ZDHHC11B: variants seen among roughly 807,000 people sequenced by gnomAD.
ZDHHC11B encodes probable palmitoyltransferase ZDHHC11B.
ZDHHC11B carries 17 observed loss-of-function variants against 42.3 expected under a neutral mutation model. That is an observed-to-expected ratio of 0.40 (90% CI 0.27 to 0.60). ZDHHC11B has a LOEUF of 0.60. Among genes scored for constraint, ZDHHC11B ranks in the 20% least tolerant of loss-of-function variants. The probability of loss-of-function intolerance (pLI) is 0.41; values close to 1 mark genes in which losing one functional copy is unlikely to be tolerated. For synonymous variants in ZDHHC11B, 123 were observed against 193.5 expected (o/e 0.64, Z 3.02); for missense variants, 262 against 463.2 (o/e 0.57, Z 3.99).
intron 7 of ZDHHC11B, among the ~76,000 whole-genome samples, chr5:750,459 C>A (rs1345509090): frequency 7.3e-6 from 1 of 136,624 alleles, no homozygotes; most frequent in African/African-American, 2.5e-5. Context: ...CTTTCTCTTA[C>A]AAGCACACTC....
chr5:763,410 A>G (rs1174893119), intron 4 of ZDHHC11B, among the ~76,000 whole-genome samples: 25 of 151,676 alleles, frequency 1.6e-4, no homozygotes, highest in African/African-American at 5.3e-4. Context: ...GAAAAATACA[A>G]CCTATGAAAA....
intron 12 of ZDHHC11B, among the ~76,000 whole-genome samples, chr5:717,627 C>G (rs1418886699): frequency 6.6e-6 from 1 of 151,806 alleles, no homozygotes; most frequent in South Asian, 2.1e-4. Context: ...AGGATATAAA[C>G]GGATCCATAA....
intron 4 of ZDHHC11B, among the ~76,000 whole-genome samples, chr5:763,904 A>G (rs1214492635): frequency 6.6e-6 from 1 of 151,920 alleles, no homozygotes; most frequent in Non-Finnish European, 1.5e-5. Flanking sequence ...TGTGAGATAT[A>G]AAACAAGGTT....
At chr5:777,905 C>A (rs761007465) in intron 1 of ZDHHC11B, among the ~76,000 whole-genome samples, 17 of 151,172 alleles carry the variant, frequency 1.1e-4, no homozygotes, top group Non-Finnish European at 2.4e-4. Context: ...CGAGGGAGCC[C>A]GGGGCGGGGG....
At position 766,815 on chromosome 5, in the gene ZDHHC11B, C is replaced by A; in HGVS notation, c.105G>T (p.Ser35=). ...PPRISRVNGW[S]LPLHYFRVVT... is the part of the protein sequence containing the mutation. ...CCACCCGGAAGTAGTGCAGGGGTAA[C>A]GACCAGCCGTTCACTCTGGAGATGC... The change falls in exon 4 of 14, where the codon TCG becomes TCT. Residue 35 remains serine, a synonymous_variant. Transcript: ENST00000508859. The A allele has an allele frequency of 1.9e-6, 3 of 1,612,720 alleles. No homozygotes were observed. The highest frequency in any genetic ancestry group is 2.5e-6 in the Non-Finnish European group (3 of 1,179,240).
Position 736,297 on chromosome 5 carries a change from C to T in ZDHHC11B, c.936-2458G>A, listed in dbSNP as rs373462642. Among the ~76,000 whole-genome samples, 102 of 149,860 alleles carry T rather than the reference C, an allele frequency of 6.8e-4. 8 individuals are homozygous for T. Among genetic ancestry groups the T allele is most frequent in the South Asian group, 2.4e-3 (11 of 4,518 alleles). ...CAATCCTAACTATATATGCACCTAA[C>T]GAGGAACCCCCCAAATTTATAAAAC... is the stretch of plus-strand genomic sequence containing the variant. On this transcript the variant is annotated intron_variant, in intron 10 of 13. Coordinates refer to ENST00000508859, the MANE Select transcript of ZDHHC11B (RefSeq NM_001351303.2).
At chr5:777,772 G>C (rs1367334983) in intron 1 of ZDHHC11B, among the ~76,000 whole-genome samples, 2 of 151,990 alleles carry the variant, frequency 1.3e-5, no homozygotes, top group African/African-American at 2.4e-5. Context: ...TTCTCTATCG[G>C]ATCCTGAGCC....
At chr5:727,184 G>A (rs1274824208) in intron 12 of ZDHHC11B, among the ~76,000 whole-genome samples, 1 of 135,120 alleles carries the variant, frequency 7.4e-6, no homozygotes, top group Middle Eastern at 3.8e-3. Flanking sequence ...TGGAGAACCC[G>A]GCTGGCCTTC....
At chr5:752,811 C>G (rs12518718) in intron 6 of ZDHHC11B, among the ~76,000 whole-genome samples, 13,002 of 103,650 alleles carry the variant, frequency 0.13, 1,436 homozygotes, top group East Asian at 0.33. Flanking sequence ...TACCCTGCCC[C>G]CAGTCCTCCT....
chr5:770,355 T>C lies in ZDHHC11B; in HGVS notation c.-229-1425A>G, dbSNP rs1474023067. The stretch of plus-strand genomic sequence containing the variant: ...AGCGAGGCCTTGCCCACTGCCATCA[T>C]TGGGCCAAGGACCCCCTAAGCCAAA... On this transcript the variant is annotated intron_variant, in intron 1 of 13. Coordinates refer to ENST00000508859, the MANE Select transcript of ZDHHC11B (RefSeq NM_001351303.2). Among the ~76,000 whole-genome samples, 4 of 150,040 alleles carry C rather than the reference T, an allele frequency of 2.7e-5. No individual in the cohort carries two copies. In the East Asian group the frequency reaches 5.9e-4, roughly 22 times the overall value.
chr5:732,488 T>TG, intron 11 of ZDHHC11B: 1 of 313,238 alleles, frequency 3.2e-6, no homozygotes, highest in South Asian at 2.6e-5. Flanking sequence ...TGGGCGGGGG[T>TG]GGGCTGGGGG....
chr5:720,176 G>A (rs1267908171), intron 12 of ZDHHC11B, among the ~76,000 whole-genome samples: 3 of 151,758 alleles, frequency 2.0e-5, no homozygotes, highest in Non-Finnish European at 4.4e-5. Context: ...GGAGCTCAAC[G>A]AATTCCAAGC....
At chr5:756,245 C>T (rs557732167) in intron 4 of ZDHHC11B, 101 bp from the exon 5 acceptor site, 18 of 1,507,096 alleles carry the variant, frequency 1.2e-5, no homozygotes, top group African/African-American at 1.4e-5. Context: ...CACTGGTCAG[C>T]CCTGCTCACC....
chr5:756,250 C>T, intron 4 of ZDHHC11B, 106 bp from the exon 5 acceptor site: 2 of 1,497,132 alleles, frequency 1.3e-6, no homozygotes, highest in Admixed American at 2.0e-5. Flanking sequence ...GTCAGCCCTG[C>T]TCACCCAGCC....
intron 4 of ZDHHC11B, among the ~76,000 whole-genome samples, chr5:763,903 T>C (rs912747933): frequency 5.9e-5 from 9 of 151,878 alleles, no homozygotes; most frequent in African/African-American, 1.9e-4. Context: ...ATGTGAGATA[T>C]AAAACAAGGT....
chr5:749,436 C>A (rs867306330), intron 7 of ZDHHC11B, among the ~76,000 whole-genome samples: 13 of 129,958 alleles, frequency 1.0e-4, no homozygotes, highest in African/African-American at 3.3e-4. Context: ...GGGTGACGGA[C>A]CCTCTCTGGA....
intron 4 of ZDHHC11B, among the ~76,000 whole-genome samples, chr5:765,501 CA>C (rs1429381174): frequency 1.3e-5 from 2 of 151,870 alleles, no homozygotes; most frequent in East Asian, 3.9e-4. Context: ...CTCTGTAAAA[CA>C]GACCAATCAG....
rs1266690552 is a variant in ZDHHC11B at position 766,736 on chromosome 5, G to T, written c.184C>A (p.Pro62Thr). The T allele has an allele frequency of 1.9e-6, 3 of 1,611,772 alleles. No homozygotes were observed. The highest frequency in any genetic ancestry group is 1.6e-4 in the Middle Eastern group (1 of 6,082). Residue 62 changes from proline (P) to threonine (T), a missense_variant, in exon 4 of 14, where the codon CCC (proline) becomes ACC (threonine). Physicochemically the swap from Pro to Thr is conservative, Grantham distance 38 (BLOSUM62 -1). This residue lies in a region of ZDHHC11B where 97 missense variants were observed against 98.1 expected (regional missense o/e 0.99). Transcript: ENST00000508859. ...LSLATFRIFI[P>T]LLPHSWKYIA... ...TATTTCCACGAGTGAGGCAGGAGGGGAATGAAGATCCTGAAGGTGGCCAAG... is the reference window on the plus strand; with the variant it reads ...TATTTCCACGAGTGAGGCAGGAGGGTAATGAAGATCCTGAAGGTGGCCAAG...
intron 9 of ZDHHC11B, among the ~76,000 whole-genome samples, chr5:742,645 A>G (rs392816): frequency 3.3e-5 from 5 of 149,862 alleles, no homozygotes; most frequent in Non-Finnish European, 5.9e-5. Context: ...TAGACATAAC[A>G]CTGTTGCACA....
Sources: allele counts gnomAD v4.1 joint callset (sites outside exome capture counted in the v4.1 genomes callset), GRCh38; gene constraint gnomAD v4.1.1; regional missense constraint gnomAD v4.1.1; transcripts MANE v1.5; gene names NCBI Gene and HGNC (gene_info 2026-07-23, HGNC 2026-07-21).